PGPEP1L: variants seen among roughly 807,000 people sequenced by gnomAD.
PGPEP1L encodes the protein pyroglutamyl-peptidase 1-like protein.
PGPEP1L carries 7 observed loss-of-function variants against 6.0 expected under a neutral mutation model. The observed-to-expected ratio is 1.17, with a 90% CI of 0.66 to 2.19. The LOEUF (loss-of-function observed/expected upper bound fraction) is 2.19, where lower values mean the gene tolerates loss of function less well. Among genes scored for constraint, PGPEP1L ranks in the 30% most tolerant of loss-of-function variants. The pLI, the probability that PGPEP1L is intolerant of heterozygous loss-of-function variation, is 0.00. For missense variants in PGPEP1L, 209 were observed against 192.5 expected (o/e 1.09, Z -0.51); for synonymous variants, 103 against 83.9 (o/e 1.23, Z -1.24).
At chr15:99,005,753 G>C (rs1156580433) in intron 1 of PGPEP1L, 97 bp from the exon 2 acceptor site, 2 of 152,490 alleles carry the variant, frequency 1.3e-5, no homozygotes, top group South Asian at 2.1e-4. Context: ...GGACATTTGA[G>C]TCTGGGTCAC....
Position 99,001,708 on chromosome 15 carries a change from GTTT to G in PGPEP1L, c.-142+3718_-142+3720del, listed in dbSNP as rs532174644. On this transcript the variant is annotated intron_variant, in intron 2 of 4. Transcript: ENST00000535714. ...TGTATGATTTCATTTATATATTTGT[GTTT>G]TTTATTTTTGCTTGTTTGCTTTTTG... 2.7e-3 allele frequency among the ~76,000 whole-genome samples: 378 copies of G among 140,070 alleles called. 4 individuals are homozygous for G. The highest frequency in any genetic ancestry group is 8.9e-3 in the African/African-American group (341 of 38,304). 91.9% of individuals were successfully genotyped at this position (140,070 alleles called of 152,430 possible). A position where few individuals can be genotyped will look rare whatever the true frequency, so the allele number is the denominator to read the frequency against.
intron 2 of PGPEP1L, among the ~76,000 whole-genome samples, chr15:98,987,167 A>AT (rs2017758719): frequency 2.1e-5 from 2 of 94,156 alleles, no homozygotes; most frequent in South Asian, 3.0e-4. Context: ...CTCCATCTCA[A>AT]AAAAAAAAAA....
chr15:98,995,255 A>G (rs1232078972), intron 2 of PGPEP1L, among the ~76,000 whole-genome samples: 2 of 152,208 alleles, frequency 1.3e-5, no homozygotes, highest in Non-Finnish European at 2.9e-5. Flanking sequence ...TCTTTTGAGT[A>G]GTATCTTCAG....
intron 2 of PGPEP1L, chr15:99,001,106 A>C: frequency 2.3e-6 from 1 of 429,552 alleles, no homozygotes. Context: ...ACCCACCAGA[A>C]GGAAGAAACT....
At position 98,968,564 on chromosome 15, in the gene PGPEP1L, C is replaced by G. The variant is rs1521484; in HGVS notation, c.343G>C (p.Glu115Gln). The G allele has an allele frequency of 0.51, 825,313 of 1,611,700 alleles. 216,589 individuals carry two copies. The highest frequency in any genetic ancestry group is 0.63 in the South Asian group (57,311 of 90,640). ...LGRALRVIIQEMLEEVGKPKH... is the reference protein window; with the variant it reads ...LGRALRVIIQQMLEEVGKPKH... ...GGCTTTCCCACCTCTTCCAGCATTTCCTGGATGATGACTCTCAAGGCTCTT... is the reference window on the plus strand; with the variant it reads ...GGCTTTCCCACCTCTTCCAGCATTTGCTGGATGATGACTCTCAAGGCTCTT... Residue 115 changes from glutamate to glutamine, a missense_variant, in exon 5 of 5, where the codon GAA becomes CAA. By Grantham distance (29) the Glu-to-Gln change is conservative. Transcript: ENST00000535714.
chr15:98,968,822 T>C (rs2017444987), intron 4 of PGPEP1L, 125 bp from the exon 5 acceptor site: 2 of 863,496 alleles, frequency 2.3e-6, no homozygotes, highest in Admixed American at 2.2e-5. Flanking sequence ...CAAGGGAGAC[T>C]TGTGTTGTTT....
intron 2 of PGPEP1L, among the ~76,000 whole-genome samples, chr15:98,983,808 A>G (rs1214036817): frequency 6.6e-6 from 1 of 152,142 alleles, no homozygotes; most frequent in East Asian, 1.9e-4. Flanking sequence ...CATGTATAAT[A>G]ATCTGTCTGT....
intron 2 of PGPEP1L, among the ~76,000 whole-genome samples, chr15:98,984,935 C>A (rs201680330): frequency 6.6e-6 from 1 of 152,146 alleles, no homozygotes; most frequent in Non-Finnish European, 1.5e-5. Context: ...CGTGGGCCTG[C>A]CAGCCTAGGA....
At chr15:98,998,427 G>A (rs1000297883) in intron 2 of PGPEP1L, among the ~76,000 whole-genome samples, 1 of 152,074 alleles carries the variant, frequency 6.6e-6, no homozygotes, top group Admixed American at 6.5e-5. Flanking sequence ...GCCAAGCTGC[G>A]AGGGCTTAAG....
chr15:98,987,369 G>A (rs532462593), intron 2 of PGPEP1L, among the ~76,000 whole-genome samples: 79 of 152,160 alleles, frequency 5.2e-4, no homozygotes, highest in African/African-American at 1.9e-3. Flanking sequence ...CATGACTTTG[G>A]CTCAGCCAAT....
chr15:98,991,475 C>T (rs781943572), intron 2 of PGPEP1L, among the ~76,000 whole-genome samples: 1 of 152,056 alleles, frequency 6.6e-6, no homozygotes, highest in Non-Finnish European at 1.5e-5. Flanking sequence ...GATAGCCTAC[C>T]AACTAAAAAT....
chr15:98,988,794 CTT>C (rs1359852181), intron 2 of PGPEP1L, among the ~76,000 whole-genome samples: 4 of 152,200 alleles, frequency 2.6e-5, no homozygotes, highest in African/African-American at 7.2e-5. Context: ...AGGCGGCAAT[CTT>C]TGCTGTCCTG....
chr15:98,992,415 G>A (rs543703483), intron 2 of PGPEP1L, among the ~76,000 whole-genome samples: 1 of 152,274 alleles, frequency 6.6e-6, no homozygotes, highest in African/African-American at 2.4e-5. Flanking sequence ...CCTCTTCAAG[G>A]AGAACGTCAA....
intron 4 of PGPEP1L, 58 bp downstream of exon 4, chr15:98,969,367 G>A (rs907764832): frequency 1.0e-5 from 16 of 1,596,892 alleles, no homozygotes; most frequent in Non-Finnish European, 1.0e-5. Context: ...TCGGGGGGAC[G>A]CTGACGGCCA....
intron 2 of PGPEP1L, among the ~76,000 whole-genome samples, chr15:98,989,486 G>C (rs896879470): frequency 1.3e-5 from 2 of 152,204 alleles, no homozygotes; most frequent in African/African-American, 4.8e-5. Context: ...TATGTGAAAA[G>C]AACAAATCTA....
At chr15:99,005,747 A>C (rs2018047274) in intron 1 of PGPEP1L, 91 bp from the exon 2 acceptor site, 1 of 152,492 alleles carries the variant, frequency 6.6e-6, no homozygotes, top group Admixed American at 6.5e-5. Flanking sequence ...CTTTCTGGAC[A>C]TTTGAGTCTG....
chr15:98,970,814 C>G (rs143996385), intron 3 of PGPEP1L, among the ~76,000 whole-genome samples: 1 of 152,132 alleles, frequency 6.6e-6, no homozygotes, highest in Non-Finnish European at 1.5e-5. Flanking sequence ...TTTCCTCCTC[C>G]TTTCTCTCCA....
intron 2 of PGPEP1L, among the ~76,000 whole-genome samples, chr15:98,971,710 G>A (rs896264891): frequency 6.6e-6 from 1 of 152,138 alleles, no homozygotes; most frequent in African/African-American, 2.4e-5. Flanking sequence ...AACTTCTGAA[G>A]GTATTAAACT....
At chr15:98,970,871 A>G (rs2017483299) in intron 3 of PGPEP1L, among the ~76,000 whole-genome samples, 165 bp downstream of exon 3, 2 of 152,126 alleles carry the variant, frequency 1.3e-5, no homozygotes, top group South Asian at 2.1e-4. Context: ...AACTTTTACA[A>G]ACAGACCCAG....
Sources: gnomAD v4.1 joint callset for allele counts (sites outside exome capture counted in the v4.1 genomes callset) on GRCh38, gnomAD v4.1.1 for gene constraint, MANE v1.5 for transcripts, NCBI Gene and HGNC (gene_info 2026-07-23, HGNC 2026-07-21) for gene names.